DOCK1: variants seen among roughly 807,000 people sequenced by gnomAD.
DOCK1 encodes the protein dedicator of cytokinesis 1, also known as dedicator of cytokinesis protein 1.
In DOCK1, 138 loss-of-function variants were observed where a neutral mutation model predicts 262.7. The observed-to-expected ratio is 0.53, with a 90% confidence interval of 0.46 to 0.61. The LOEUF is 0.61. Among genes scored for constraint, DOCK1 ranks in the 20% least tolerant of loss-of-function variants. The pLI is 0.00. For missense variants in DOCK1, 1,908 were observed against 2,370.7 expected (o/e 0.80, Z 4.05); for synonymous variants, 866 against 867.4 (o/e 1.00, Z 0.03).
At position 127,103,969 on chromosome 10, in the gene DOCK1, T is replaced by C. The variant is rs553832976; in HGVS notation, c.2446-2262T>C. ...TTCTGTTTTGTTTTCATGATTCTTA[T>C]AGATGTTGCTTGTATCTTATTGTCA... is the stretch of plus-strand genomic sequence containing the variant. On this transcript the variant is annotated intron_variant, in intron 23 of 51. Transcript: ENST00000623213. 8.2e-4 allele frequency among the ~76,000 whole-genome samples: 125 copies of C among 152,370 alleles called. No homozygotes were observed. The Middle Eastern group carries it at 0.01, about 12-fold the overall frequency.
At chr10:127,243,550 C>T (rs1564929580) in intron 27 of DOCK1, among the ~76,000 whole-genome samples, 2 of 152,058 alleles carry the variant, frequency 1.3e-5, no homozygotes, top group Non-Finnish European at 2.9e-5. Flanking sequence ...CTCAGTTCTA[C>T]CTGTTCTCCA....
chr10:126,932,086 G>C (rs2034231581), intron 1 of DOCK1, among the ~76,000 whole-genome samples: 2 of 152,294 alleles, frequency 1.3e-5, no homozygotes, highest in African/African-American at 2.4e-5. Flanking sequence ...ATTCTGGAAG[G>C]TTGAGGATAG....
intron 21 of DOCK1, among the ~76,000 whole-genome samples, chr10:127,047,500 T>C (rs945260475): frequency 2.0e-5 from 3 of 152,230 alleles, no homozygotes; most frequent in African/African-American, 7.2e-5. Flanking sequence ...AGCATTGTTA[T>C]TTTTGCTTGC....
chr10:127,326,021 A>T (rs1441965804), intron 29 of DOCK1, among the ~76,000 whole-genome samples: 1 of 152,234 alleles, frequency 6.6e-6, no homozygotes, highest in Non-Finnish European at 1.5e-5. Context: ...AAAACAGTGT[A>T]TATACCTTAA....
intron 18 of DOCK1, among the ~76,000 whole-genome samples, chr10:127,032,764 C>A (rs2043328479): frequency 6.6e-6 from 1 of 152,024 alleles, no homozygotes; most frequent in South Asian, 2.1e-4. Flanking sequence ...ACTTTATTGC[C>A]CAGGCTATTC....
chr10:127,227,098 C>T (rs1564917956), intron 27 of DOCK1, among the ~76,000 whole-genome samples: 1 of 152,198 alleles, frequency 6.6e-6, no homozygotes, highest in Non-Finnish European at 1.5e-5. Flanking sequence ...CCAGGAATCT[C>T]GTTGAAGTCC....
intron 29 of DOCK1, among the ~76,000 whole-genome samples, chr10:127,326,436 T>C (rs2062751566): frequency 6.6e-6 from 1 of 152,242 alleles, no homozygotes; most frequent in Admixed American, 6.5e-5. Context: ...GAAACCACTT[T>C]CTTTGCTCAC....
chr10:126,912,843 A>G lies in DOCK1; in HGVS notation c.46+7280A>G, dbSNP rs576406931. Among the ~76,000 whole-genome samples, 14 of 152,260 alleles carry G rather than the reference A, an allele frequency of 9.2e-5. No individual in the cohort carries two copies. The South Asian group carries it at 1.2e-3, about 14-fold the overall frequency. ...CTTTAAATTCCCTGCCTCCAAATAC[A>G]GTCACACATCCAGGATGCTGAATTT... On this transcript the variant is annotated intron_variant, in intron 1 of 51. Coordinates refer to ENST00000623213, the MANE Select transcript of DOCK1 (RefSeq NM_001290223.2).
intron 10 of DOCK1, among the ~76,000 whole-genome samples, chr10:127,002,005 A>G (rs1035851615): frequency 6.6e-6 from 1 of 152,214 alleles, no homozygotes; most frequent in Non-Finnish European, 1.5e-5. Flanking sequence ...CCACAGGCAC[A>G]TGCCGTGCTA....
chr10:127,401,970 T>C (rs2067251155), intron 38 of DOCK1, among the ~76,000 whole-genome samples: 3 of 152,184 alleles, frequency 2.0e-5, no homozygotes, highest in Admixed American at 2.0e-4. Flanking sequence ...GTTGGGTGGT[T>C]CCAAAGCTGC....
At chr10:127,060,091 G>A (rs2045430751) in intron 22 of DOCK1, among the ~76,000 whole-genome samples, 1 of 149,312 alleles carries the variant, frequency 6.7e-6, no homozygotes, top group African/African-American at 2.5e-5. Flanking sequence ...GTTACCTGGG[G>A]ACTCTCTCCC....
intron 16 of DOCK1, among the ~76,000 whole-genome samples, chr10:127,027,300 A>G (rs1451669243): frequency 1.3e-5 from 2 of 152,222 alleles, no homozygotes; most frequent in Non-Finnish European, 2.9e-5. Context: ...ATTTGAGGAT[A>G]AGAATACCTT....
At chr10:127,171,809 T>C (rs1301418483) in intron 27 of DOCK1, among the ~76,000 whole-genome samples, 1 of 152,208 alleles carries the variant, frequency 6.6e-6, no homozygotes, top group Non-Finnish European at 1.5e-5. Context: ...GTTCAAGCAA[T>C]TCTCCTGCCT....
intron 23 of DOCK1, among the ~76,000 whole-genome samples, chr10:127,094,433 A>G (rs144870357): frequency 6.6e-6 from 1 of 152,014 alleles, no homozygotes; most frequent in African/African-American, 2.4e-5. Flanking sequence ...TTTTTGCTCT[A>G]CCCCAAAGCC....
intron 27 of DOCK1, among the ~76,000 whole-genome samples, chr10:127,230,936 C>T (rs2058818784): frequency 6.6e-6 from 1 of 152,062 alleles, no homozygotes; most frequent in South Asian, 2.1e-4. Flanking sequence ...TTCTTCTAAT[C>T]CATGAACATA....
At chr10:126,952,740 GGT>G (rs2036384665) in intron 1 of DOCK1, among the ~76,000 whole-genome samples, 2 of 134,744 alleles carry the variant, frequency 1.5e-5, no homozygotes, top group South Asian at 4.7e-4. Context: ...TGTTGTTATT[GGT>G]AGTATTGGTG....
At chr10:127,034,119 A>C (rs909434741) in intron 18 of DOCK1, among the ~76,000 whole-genome samples, 7 of 152,124 alleles carry the variant, frequency 4.6e-5, no homozygotes, top group African/African-American at 1.7e-4. Context: ...GGCATGCCCG[A>C]GGCATGTGCA....
intron 47 of DOCK1, among the ~76,000 whole-genome samples, chr10:127,430,205 T>G (rs1346355525): frequency 6.6e-6 from 1 of 152,170 alleles, no homozygotes; most frequent in East Asian, 1.9e-4. Context: ...GCCATCACAG[T>G]TGGCCCCTGA....
chr10:126,911,979 C>T (rs2031839646), intron 1 of DOCK1, among the ~76,000 whole-genome samples: 1 of 152,048 alleles, frequency 6.6e-6, no homozygotes, highest in South Asian at 2.1e-4. Context: ...ACCAACAGGA[C>T]TGTGTTTCTT....
Sources: allele counts gnomAD v4.1 joint callset (sites outside exome capture counted in the v4.1 genomes callset), GRCh38; gene constraint gnomAD v4.1.1; transcripts MANE v1.5; gene names NCBI Gene and HGNC (gene_info 2026-07-23, HGNC 2026-07-21).